Variants in RRN3 observed in about 807,000 individuals in gnomAD.
RRN3 encodes the protein RNA polymerase I-specific transcription initiation factor RRN3.
Under a neutral mutation model 82.3 loss-of-function variants are expected in RRN3, and 38 were observed. That is an observed-to-expected ratio of 0.46 (90% confidence interval 0.36 to 0.61). The LOEUF (loss-of-function observed/expected upper bound fraction) is 0.61. RRN3 is among the 20% of genes least tolerant of loss of function. The pLI, the probability that RRN3 is intolerant of heterozygous loss-of-function variation, is 0.00. For missense variants in RRN3, 726 were observed against 793.1 expected (o/e 0.92, Z 1.02); for synonymous variants, 284 against 284.3 (o/e 1.00, Z 0.01).
At chr16:15,083,762 G>A (rs1253599698) in intron 7 of RRN3, 180 bp from the exon 8 acceptor site, 6 of 716,606 alleles carry the variant, frequency 8.4e-6, no homozygotes, top group Non-Finnish European at 1.1e-5. Flanking sequence ...TGTTGCCCAG[G>A]CTGGAGTGCA....
At chr16:15,091,444 G>A (rs895360897) in intron 2 of RRN3, 73 bp from the exon 3 acceptor site, 34 of 953,926 alleles carry the variant, frequency 3.6e-5, no homozygotes, top group Admixed American at 1.3e-4. Flanking sequence ...ACTTTTAACC[G>A]TACTTTAACA....
intron 8 of RRN3, among the ~76,000 whole-genome samples, chr16:15,082,539 G>A (rs910196287): frequency 1.3e-5 from 2 of 151,912 alleles, no homozygotes; most frequent in African/African-American, 2.4e-5. Context: ...GGGGTGTGGT[G>A]CCCCATGTCT....
At chr16:15,092,183 A>C (rs982278185) in intron 2 of RRN3, among the ~76,000 whole-genome samples, 9 of 152,096 alleles carry the variant, frequency 5.9e-5, no homozygotes, top group African/African-American at 1.7e-4. Context: ...CAGCACAAAT[A>C]AATAAATAAA....
At position 15,076,488 on chromosome 16, in the gene RRN3, A is replaced by G. The variant is rs770641371; in HGVS notation, c.858+70T>C. The G allele has an allele frequency of 4.9e-6, 5 of 1,025,670 alleles. No homozygotes were observed. The South Asian group carries it at 6.3e-5, about 13-fold the overall frequency. 63.5% of individuals were successfully genotyped at this position (1,025,670 alleles called of 1,614,324 possible). A position where few individuals can be genotyped will look rare whatever the true frequency, so the allele number is the denominator to read the frequency against. ...CTTTCAATCTAAAGCCTTAACAAAG[A>G]TGAGCAGCACTAGCTGTTTCCACCC... On this transcript the variant is annotated intron_variant, in intron 10 of 17. Coordinates refer to ENST00000198767, the MANE Select transcript of RRN3 (RefSeq NM_018427.5).
intron 10 of RRN3, among the ~76,000 whole-genome samples, chr16:15,075,142 C>T (rs1283793549): frequency 6.7e-6 from 1 of 149,876 alleles, no homozygotes; most frequent in Non-Finnish European, 1.5e-5. Context: ...TCCAGTTACT[C>T]AGGAGGCAGA....
At chr16:15,082,441 G>C (rs1041989496) in intron 8 of RRN3, among the ~76,000 whole-genome samples, 4 of 152,110 alleles carry the variant, frequency 2.6e-5, no homozygotes, top group African/African-American at 7.2e-5. Context: ...GCGAGGTGGA[G>C]ACGGGTAGAT....
At chr16:15,076,477 C>T (rs1366304943) in intron 10 of RRN3, 81 bp downstream of exon 10, 1 of 954,290 alleles carries the variant, frequency 1.0e-6, no homozygotes, top group Admixed American at 1.7e-5. Context: ...CAATCTAAAG[C>T]CTTAACAAAG....
At chr16:15,085,569 T>C in intron 6 of RRN3, 70 bp downstream of exon 6, 3 of 1,582,708 alleles carry the variant, frequency 1.9e-6, no homozygotes, top group Non-Finnish European at 2.6e-6. Flanking sequence ...CCTCCCGTCT[T>C]GGCTTCCCAA....
intron 7 of RRN3, among the ~76,000 whole-genome samples, chr16:15,084,144 A>G (rs2045819410): frequency 6.6e-6 from 1 of 152,202 alleles, no homozygotes; most frequent in African/African-American, 2.4e-5. Flanking sequence ...ACATAACAGC[A>G]CTTTTGCTGA....
chr16:15,066,423 AG>A (rs2044975673), intron 15 of RRN3, among the ~76,000 whole-genome samples: 1 of 152,118 alleles, frequency 6.6e-6, no homozygotes, highest in African/African-American at 2.4e-5. Flanking sequence ...ACTTGAGCTC[AG>A]GAGTTTGAGA....
At chr16:15,071,582 A>T (rs985886039) in intron 12 of RRN3, among the ~76,000 whole-genome samples, 15 of 152,232 alleles carry the variant, frequency 9.9e-5, no homozygotes, top group Non-Finnish European at 1.5e-5. Flanking sequence ...AGCCTGGCCA[A>T]CATGGAGAAA....
chr16:15,085,971 C>T (rs917878692), intron 5 of RRN3, among the ~76,000 whole-genome samples, 158 bp downstream of exon 5: 2 of 152,134 alleles, frequency 1.3e-5, no homozygotes, highest in African/African-American at 4.8e-5. Flanking sequence ...AATCTAGACA[C>T]CTCCATAGGG....
At chr16:15,077,275 G>A (rs1375681663) in intron 9 of RRN3, among the ~76,000 whole-genome samples, 6 of 152,080 alleles carry the variant, frequency 3.9e-5, no homozygotes, top group African/African-American at 1.4e-4. Context: ...CACCGCGCCT[G>A]GCCCCAAATC....
intron 9 of RRN3, among the ~76,000 whole-genome samples, chr16:15,079,416 G>A (rs2045603931): frequency 6.6e-6 from 1 of 152,114 alleles, no homozygotes; most frequent in African/African-American, 2.4e-5. Flanking sequence ...GATTCTATCA[G>A]GTTCTCTAAC....
chr16:15,068,930 A>G (rs1178816631), intron 14 of RRN3, among the ~76,000 whole-genome samples: 1 of 152,218 alleles, frequency 6.6e-6, no homozygotes, highest in Non-Finnish European at 1.5e-5. Context: ...ACGTATTTCA[A>G]TAAAAATTAC....
chr16:15,077,930 A>G (rs1235593933), intron 9 of RRN3, among the ~76,000 whole-genome samples: 1 of 152,232 alleles, frequency 6.6e-6, no homozygotes, highest in Admixed American at 6.5e-5. Context: ...ATCTCTATGC[A>G]CAAGACACTC....
chr16:15,065,099 G>C, intron 16 of RRN3, 120 bp downstream of exon 16: 1 of 997,760 alleles, frequency 1.0e-6, no homozygotes, highest in Non-Finnish European at 1.5e-6. Flanking sequence ...CCGGGAGGCG[G>C]AGCTTGCGGT....
Position 15,061,898 on chromosome 16 carries a change from A to G in RRN3, c.1802T>C (p.Val601Ala), listed in dbSNP as rs984395484. 1 of 1,611,132 alleles carries G rather than the reference A, an allele frequency of 6.2e-7. No individual in the cohort carries two copies. The highest frequency in any genetic ancestry group is 8.5e-7 in the Non-Finnish European group (1 of 1,177,374). The change falls in exon 18 of 18, where the codon GTG (valine) becomes GCG (alanine). Residue 601 changes from valine to alanine, a missense_variant. Physicochemically the swap from Val to Ala is moderately conservative, Grantham distance 64. Around this residue, in one of 4 missense-constraint regions of RRN3, gnomAD observed 166 missense variants for 154.8 expected, o/e 1.07. Transcript: ENST00000198767. ...EFKKPMKKDI[V>A]EDEDDDFLKG... ...CAGAAAGTCATCATCTTCATCTTCC[A>G]CTATGTCCTGCAGAAACATCAGAAA...
intron 6 of RRN3, 60 bp from the exon 7 acceptor site, chr16:15,084,765 G>A: frequency 8.3e-7 from 1 of 1,201,090 alleles, no homozygotes; most frequent in Non-Finnish European, 1.2e-6. Context: ...CGACACGCTT[G>A]AAGCTAAAAA....
Sources: gnomAD v4.1 joint callset for allele counts (sites outside exome capture counted in the v4.1 genomes callset) on GRCh38, gnomAD v4.1.1 for gene constraint, gnomAD v4.1.1 regional missense constraint, MANE v1.5 for transcripts, NCBI Gene and HGNC (gene_info 2026-07-23, HGNC 2026-07-21) for gene names.